RASGRP3: variants seen among roughly 807,000 people sequenced by gnomAD.
RASGRP3 encodes RAS guanyl releasing protein 3, also known as ras guanyl-releasing protein 3.
A neutral mutation model predicts 82.7 loss-of-function variants in RASGRP3; 54 were observed. That is an observed-to-expected ratio of 0.65 (90% CI 0.52 to 0.82). The LOEUF is 0.82. Ranked by LOEUF, RASGRP3 falls within the 40% of genes least tolerant of loss-of-function variation. The probability of loss-of-function intolerance (pLI) is 0.00; values close to 1 mark genes in which losing one functional copy is unlikely to be tolerated. For synonymous variants in RASGRP3, 309 were observed against 300.5 expected (o/e 1.03, Z -0.29); for missense variants, 861 against 828.9 (o/e 1.04, Z -0.48).
At chr2:33,519,843 T>C in intron 4 of RASGRP3, 109 bp from the exon 5 acceptor site, 1 of 708,272 alleles carries the variant, frequency 1.4e-6, no homozygotes, top group Non-Finnish European at 2.4e-6. Context: ...AGTGTCTATA[T>C]AACCCCAGCA....
chr2:33,515,568 C>A (rs1199877833), intron 3 of RASGRP3, among the ~76,000 whole-genome samples: 1 of 152,336 alleles, frequency 6.6e-6, no homozygotes, highest in East Asian at 1.9e-4. Context: ...CCTCTTCCCC[C>A]ATCCCATATC....
intron 1 of RASGRP3, among the ~76,000 whole-genome samples, chr2:33,498,133 G>C (rs1466232743): frequency 1.3e-5 from 2 of 152,154 alleles, no homozygotes; most frequent in Non-Finnish European, 2.9e-5. Context: ...TCCCTCAGTA[G>C]AGGGCACTTT....
intron 2 of RASGRP3, among the ~76,000 whole-genome samples, chr2:33,512,719 C>G (rs1225862531): frequency 6.6e-6 from 1 of 152,190 alleles, no homozygotes; most frequent in African/African-American, 2.4e-5. Context: ...TGACAAGTTT[C>G]ATGATATTCA....
rs1676962639 is a variant in RASGRP3, at chr2:33,563,884, C to A, written c.*1147C>A. The A allele has an allele frequency of 6.6e-6, 1 of 152,054 alleles. No individual in the cohort carries two copies. The highest frequency in any genetic ancestry group is 2.4e-5 in the African/African-American group (1 of 41,392). 9.4% of individuals were successfully genotyped at this position (152,054 alleles called of 1,614,324 possible). The stretch of plus-strand genomic sequence containing the variant: ...AAAATAACTAGTTATGGGTCTATTT[C>A]TTCCATGATTAGAGGAGAGAGAACT... On this transcript the variant is annotated 3_prime_UTR_variant, in exon 18 of 18. Coordinates refer to ENST00000403687, the MANE Select transcript of RASGRP3 (RefSeq NM_001139488.2).
At chr2:33,529,020 G>A (rs1222053149) in intron 10 of RASGRP3, among the ~76,000 whole-genome samples, 1 of 152,172 alleles carries the variant, frequency 6.6e-6, no homozygotes, top group East Asian at 1.9e-4. Flanking sequence ...TCCAGTGTCT[G>A]TGTCCAAGCT....
intron 15 of RASGRP3, among the ~76,000 whole-genome samples, chr2:33,556,928 C>CACACACATATACAT (rs1553366467): frequency 8.1e-5 from 12 of 148,306 alleles, no homozygotes; most frequent in African/African-American, 3.0e-4. Context: ...CACACACACA[C>CACACACATATACAT]GCAATTTTAT....
At chr2:33,543,807 A>G (rs924807227) in intron 13 of RASGRP3, among the ~76,000 whole-genome samples, 180 bp downstream of exon 13, 13 of 152,228 alleles carry the variant, frequency 8.5e-5, no homozygotes, top group African/African-American at 3.1e-4. Flanking sequence ...CCTGAATGGA[A>G]TCACAGGGAA....
At chr2:33,527,495 A>C in intron 10 of RASGRP3, 83 bp downstream of exon 10, 1 of 1,396,112 alleles carries the variant, frequency 7.2e-7, no homozygotes, top group Non-Finnish European at 9.7e-7. Context: ...GTGTGCCAGC[A>C]ATTCATTCTG....
At chr2:33,492,284 T>C (rs981090407) in intron 1 of RASGRP3, among the ~76,000 whole-genome samples, 4 of 152,302 alleles carry the variant, frequency 2.6e-5, no homozygotes, top group Admixed American at 2.6e-4. Flanking sequence ...TTTGTGTGTT[T>C]GAGTAAAGGT....
intron 1 of RASGRP3, chr2:33,493,092 G>A (rs965739160): frequency 5.9e-5 from 9 of 152,198 alleles, no homozygotes; most frequent in Non-Finnish European, 1.3e-4. Flanking sequence ...CCAGAACCAA[G>A]GGGCCTCTTT....
chr2:33,436,998 G>C (rs1249209564), intron 1 of RASGRP3, among the ~76,000 whole-genome samples: 1 of 151,870 alleles, frequency 6.6e-6, no homozygotes, highest in African/African-American at 2.4e-5. Context: ...TAATAAATAG[G>C]CCTTCAAGCA....
At chr2:33,542,893 A>G (rs1304743062) in intron 12 of RASGRP3, among the ~76,000 whole-genome samples, 1 of 151,928 alleles carries the variant, frequency 6.6e-6, no homozygotes, top group African/African-American at 2.4e-5. Flanking sequence ...GGGTTTCATC[A>G]TGTTGGTCAG....
At chr2:33,444,248 G>C (rs897160221) in intron 1 of RASGRP3, among the ~76,000 whole-genome samples, 1 of 152,004 alleles carries the variant, frequency 6.6e-6, no homozygotes, top group African/African-American at 2.4e-5. Flanking sequence ...CGAGGATGCA[G>C]TGAACTATGA....
chr2:33,453,523 G>A (rs1428477839), intron 2 of RASGRP3, among the ~76,000 whole-genome samples: 2 of 152,142 alleles, frequency 1.3e-5, no homozygotes, highest in Non-Finnish European at 2.9e-5. Flanking sequence ...ACTTCTCCAT[G>A]GGTCTTATTG....
chr2:33,463,970 T>C (rs1217695603), intron 2 of RASGRP3, among the ~76,000 whole-genome samples: 2 of 151,926 alleles, frequency 1.3e-5, no homozygotes, highest in Non-Finnish European at 2.9e-5. Context: ...ACTTCACAGA[T>C]ACTATGTTTT....
At chr2:33,451,870 G>C (rs1300872457) in intron 2 of RASGRP3, among the ~76,000 whole-genome samples, 1 of 151,954 alleles carries the variant, frequency 6.6e-6, no homozygotes, top group African/African-American at 2.4e-5. Context: ...TGGATTGCTT[G>C]ATATTGTTTC....
At chr2:33,533,416 A>G (rs1673289937) in intron 10 of RASGRP3, 1 of 152,212 alleles carries the variant, frequency 6.6e-6, no homozygotes, top group Non-Finnish European at 1.5e-5. Context: ...TAATAATATA[A>G]CTAATAACAA....
At chr2:33,456,000 A>G (rs73926656) in intron 2 of RASGRP3, among the ~76,000 whole-genome samples, 3,586 of 152,334 alleles carry the variant, frequency 0.024, 139 homozygotes, top group African/African-American at 0.083. Flanking sequence ...TGCTGAAATT[A>G]TGGCATGGAA....
Position 33,445,902 on chromosome 2 carries a change from C to T in RASGRP3, c.-384-1918C>T, listed in dbSNP as rs529508281. 5.9e-5 allele frequency among the ~76,000 whole-genome samples: 9 copies of T among 152,204 alleles called. No homozygotes were observed. In the South Asian group the frequency reaches 1.9e-3, roughly 32 times the overall value. On this transcript the variant is annotated intron_variant, in intron 1 of 18. Transcript: ENST00000402538. ...AGCGTAAGAGATAAATCATATTTAT[C>T]TTGTTTCTTAATATTGGAGGAAAAG... is the stretch of plus-strand genomic sequence containing the variant.
Sources: gnomAD v4.1 joint callset for allele counts (sites outside exome capture counted in the v4.1 genomes callset) on GRCh38, gnomAD v4.1.1 for gene constraint, MANE v1.5 for transcripts, NCBI Gene and HGNC (gene_info 2026-07-23, HGNC 2026-07-21) for gene names.